PALM2AKAP2: variants seen among roughly 807,000 people sequenced by gnomAD.
PALM2AKAP2 encodes the protein PALM2-AKAP2 fusion protein.
Under a neutral mutation model 71.5 loss-of-function variants are expected in PALM2AKAP2, and 37 were observed. That is an observed-to-expected ratio of 0.52 (90% CI 0.40 to 0.68). The LOEUF (loss-of-function observed/expected upper bound fraction) is 0.68, where lower values mean the gene tolerates loss of function less well. Ranked by LOEUF, PALM2AKAP2 falls within the 30% of genes least tolerant of loss-of-function variation. PALM2AKAP2 has a pLI of 0.00. For missense variants in PALM2AKAP2, 1,224 were observed against 1,191.8 expected (o/e 1.03, Z -0.40); for synonymous variants, 468 against 478.8 (o/e 0.98, Z 0.29).
intron 6 of PALM2AKAP2, among the ~76,000 whole-genome samples, chr9:109,999,181 A>G (rs1832632788): frequency 6.6e-6 from 1 of 152,008 alleles, no homozygotes. Flanking sequence ...TCTACTAAAA[A>G]TACAAAAATT....
intron 1 of PALM2AKAP2, among the ~76,000 whole-genome samples, chr9:109,739,029 T>G (rs1828680367): frequency 6.6e-6 from 1 of 152,220 alleles, no homozygotes; most frequent in Non-Finnish European, 1.5e-5. Context: ...AACAATATAG[T>G]TTATTAAACT....
chr9:109,914,178 G>C (rs1250729580), intron 3 of PALM2AKAP2, among the ~76,000 whole-genome samples: 1 of 152,228 alleles, frequency 6.6e-6, no homozygotes, highest in Admixed American at 6.5e-5. Context: ...ACCCAGACCT[G>C]TTCCACTTTA....
intron 1 of PALM2AKAP2, among the ~76,000 whole-genome samples, chr9:109,733,124 G>A (rs1029205313): frequency 6.6e-6 from 1 of 152,102 alleles, no homozygotes; most frequent in Non-Finnish European, 1.5e-5. Context: ...TAAGAAAAGG[G>A]CAGGGATTTA....
intron 6 of PALM2AKAP2, among the ~76,000 whole-genome samples, chr9:110,006,073 G>C (rs962020952): frequency 6.6e-6 from 1 of 152,256 alleles, no homozygotes; most frequent in South Asian, 2.1e-4. Context: ...GATTAACCCA[G>C]TACCTCAGTT....
chr9:110,116,363 C>CGTGTGTGTGTGCGT (rs1032576760), intron 1 of PALM2AKAP2, among the ~76,000 whole-genome samples: 4 of 151,062 alleles, frequency 2.6e-5, no homozygotes, highest in African/African-American at 9.8e-5. Flanking sequence ...CCCGTGTGTG[C>CGTGTGTGTGTGCGT]GTGTGTGTGT....
chr9:110,032,143 G>A (rs1833289940), intron 7 of PALM2AKAP2, among the ~76,000 whole-genome samples: 1 of 151,406 alleles, frequency 6.6e-6, no homozygotes, highest in African/African-American at 2.4e-5. Flanking sequence ...TTAGTTAAGA[G>A]ACTACTGCAC....
intron 6 of PALM2AKAP2, among the ~76,000 whole-genome samples, chr9:110,009,717 A>C (rs1832845839): frequency 6.6e-6 from 1 of 151,198 alleles, no homozygotes; most frequent in African/African-American, 2.4e-5. Context: ...CTGTCTCAAA[A>C]AAAAAAAAAA....
At chr9:110,057,887 G>A (rs1261701309) in intron 1 of PALM2AKAP2, among the ~76,000 whole-genome samples, 1 of 152,178 alleles carries the variant, frequency 6.6e-6, no homozygotes, top group Non-Finnish European at 1.5e-5. Flanking sequence ...CTTAGAGGAG[G>A]AAAGTCTGAC....
intron 1 of PALM2AKAP2, among the ~76,000 whole-genome samples, chr9:110,120,490 T>C (rs550723511): frequency 6.6e-6 from 1 of 152,328 alleles, no homozygotes; most frequent in African/African-American, 2.4e-5. Context: ...CTTCAGACCC[T>C]CTTCTCTCTG....
chr9:109,646,595 A>G (rs1174149012), intron 1 of PALM2AKAP2, among the ~76,000 whole-genome samples: 3 of 151,272 alleles, frequency 2.0e-5, no homozygotes, highest in African/African-American at 7.2e-5. Context: ...TAAGTGCAGT[A>G]GGGACATTAA....
At chr9:109,819,006 A>G (rs1827920551) in intron 1 of PALM2AKAP2, among the ~76,000 whole-genome samples, 1 of 152,212 alleles carries the variant, frequency 6.6e-6, no homozygotes, top group Non-Finnish European at 1.5e-5. Flanking sequence ...GCATCTTTCC[A>G]TTGGAAAAAA....
chr9:109,923,914 T>C (rs1830893055), intron 4 of PALM2AKAP2, 65 bp downstream of exon 4: 1 of 1,431,928 alleles, frequency 7.0e-7, no homozygotes, highest in African/African-American at 1.6e-5. Context: ...AGCAAAATGG[T>C]GCTAACTGGG....
At chr9:110,155,937 A>G (rs10980226) in intron 2 of PALM2AKAP2, among the ~76,000 whole-genome samples, 2 of 152,238 alleles carry the variant, frequency 1.3e-5, no homozygotes, top group East Asian at 3.9e-4. Flanking sequence ...AAGCGCTTTC[A>G]TCTGTTAAGA....
chr9:109,756,316 A>G (rs189208246), intron 1 of PALM2AKAP2, among the ~76,000 whole-genome samples: 1 of 152,274 alleles, frequency 6.6e-6, no homozygotes, highest in East Asian at 1.9e-4. Flanking sequence ...TCTGTTTGCC[A>G]TAGGTATTTA....
chr9:109,956,464 T>C, intron 6 of PALM2AKAP2, among the ~76,000 whole-genome samples: 1 of 152,240 alleles, frequency 6.6e-6, no homozygotes, highest in East Asian at 1.9e-4. Context: ...ATTCTGCAGT[T>C]AGTGTGAATT....
rs1201317201 is a variant in PALM2AKAP2 at position 110,158,551 on chromosome 9, A to T, written c.2748+2054A>T. 3.9e-5 allele frequency among the ~76,000 whole-genome samples: 6 copies of T among 152,298 alleles called. No homozygotes were observed. In the East Asian group the frequency reaches 9.6e-4, roughly 24 times the overall value. On this transcript the variant is annotated intron_variant, in intron 3 of 3. Coordinates refer to ENST00000374525, the Ensembl canonical transcript of PALM2AKAP2. ...TGGAAGCTCTTTTGTGCACACGCTG[A>T]CACTCTGGCAGCCACCTAACAAATG...
In PALM2AKAP2 at chr9:109,801,778, TTG is replaced by T. The variant is rs566521267; in HGVS notation, c.45+21250_45+21251del. ...AGAACTGCATCTACTAACATACTCC[TTG>T]TGTGATGTTAGGGTTAGTGAATTGA... On this transcript the variant is annotated intron_variant, in intron 1 of 9. Transcript: ENST00000302798. Among the ~76,000 whole-genome samples, 244 of 152,202 alleles carry T rather than the reference TTG, an allele frequency of 1.6e-3. 2 individuals carry two copies. The highest frequency in any genetic ancestry group is 9.6e-3 in the South Asian group (46 of 4,810).
chr9:110,136,441 T>G (rs766020793), exon 2 of PALM2AKAP2: 1 of 1,614,174 alleles, frequency 6.2e-7, no homozygotes, highest in Non-Finnish European at 8.5e-7. Context: ...GTGATTCTGC[T>G]GTGGATGGAA....
intron 1 of PALM2AKAP2, among the ~76,000 whole-genome samples, chr9:110,075,890 A>ATT (rs897527643): frequency 1.3e-5 from 2 of 152,032 alleles, no homozygotes; most frequent in African/African-American, 4.8e-5. Context: ...CAGATGCATA[A>ATT]TTTTTAATAT....
Sources: allele counts gnomAD v4.1 joint callset (sites outside exome capture counted in the v4.1 genomes callset), GRCh38; gene constraint gnomAD v4.1.1; transcripts MANE v1.5; gene names NCBI Gene and HGNC (gene_info 2026-07-23, HGNC 2026-07-21).